CCDC92B: variants seen among roughly 807,000 people sequenced by gnomAD.
CCDC92B encodes the protein coiled-coil domain containing 92B, also known as coiled-coil domain-containing 92B.
In CCDC92B, 2 loss-of-function variants were observed where a neutral mutation model predicts 5.6. That is an observed-to-expected ratio of 0.36 (90% CI 0.15 to 1.12). The LOEUF (loss-of-function observed/expected upper bound fraction) is 1.12, where lower values mean the gene tolerates loss of function less well. Ranked by LOEUF, CCDC92B falls within the 50% of genes most tolerant of loss-of-function variation. The probability of loss-of-function intolerance (pLI) is 0.40; values close to 1 mark genes in which losing one functional copy is unlikely to be tolerated. For synonymous variants in CCDC92B, 115 were observed against 122.3 expected (o/e 0.94, Z 0.39); for missense variants, 271 against 262.2 (o/e 1.03, Z -0.23).
chr17:2,725,474 G>A (rs1304339101), intron 3 of CCDC92B, among the ~76,000 whole-genome samples: 1 of 151,428 alleles, frequency 6.6e-6, no homozygotes, highest in Non-Finnish European at 1.5e-5. Context: ...TTCCCCACGC[G>A]TCGGCTCAGT....
chr17:2,744,024 T>C (rs1355149345), intron 1 of CCDC92B, among the ~76,000 whole-genome samples: 2 of 151,958 alleles, frequency 1.3e-5, no homozygotes, highest in Non-Finnish European at 2.9e-5. Context: ...ATTGCAGGTG[T>C]GCACCACCAT....
At chr17:2,740,192 T>TATA (rs1255961378) in intron 1 of CCDC92B, among the ~76,000 whole-genome samples, 23 of 152,046 alleles carry the variant, frequency 1.5e-4, no homozygotes, top group Admixed American at 1.5e-3. Context: ...TCCCAGCCTC[T>TATA]GGTATGCAGC....
At chr17:2,733,916 G>T (rs564537759) in intron 2 of CCDC92B, among the ~76,000 whole-genome samples, 1 of 151,254 alleles carries the variant, frequency 6.6e-6, no homozygotes, top group East Asian at 2.0e-4. Context: ...GCACCACCAC[G>T]CCTGGCTAAT....
At chr17:2,726,105 C>T (rs868707807) in intron 3 of CCDC92B, among the ~76,000 whole-genome samples, 4 of 147,984 alleles carry the variant, frequency 2.7e-5, no homozygotes, top group East Asian at 2.0e-4. Context: ...AAGCAGTTCT[C>T]GTGCCTCAGC....
intron 3 of CCDC92B, 69 bp downstream of exon 3, chr17:2,730,377 G>T: frequency 1.1e-6 from 1 of 912,150 alleles, no homozygotes; most frequent in Non-Finnish European, 1.3e-6. Context: ...TTTGGGTCCT[G>T]CAAAGGGCTG....
At position 2,724,181 on chromosome 17, in the gene CCDC92B, C is replaced by A. The variant is rs2070694979; in HGVS notation, c.*230G>T. ...CCTCTCGGTAGAGAAGGTGCCCCCG[C>A]TCGGCCCCGCGGAGGAACTCTCGCG... On this transcript the variant is annotated 3_prime_UTR_variant, in exon 4 of 4. Coordinates refer to ENST00000614400, the MANE Select transcript of CCDC92B (RefSeq NM_001355573.2). The surrounding 1 kb of genome is among the most constrained non-coding windows in gnomAD (Gnocchi z 5.0). The A allele has an allele frequency of 2.0e-6, 2 of 985,292 alleles. No individual in the cohort carries two copies. The highest frequency in any genetic ancestry group is 3.5e-5 in the African/African-American group (2 of 57,236). The allele number at this position is 985,292 out of a possible 1,614,324, so 61.0% of individuals were successfully genotyped here.
rs1467499763 is a variant in CCDC92B, at chr17:2,721,916, C to G, written c.*2495G>C. The G allele has an allele frequency of 1.3e-5, 2 of 152,270 alleles. No homozygotes were observed. Among genetic ancestry groups the G allele is most frequent in the African/African-American group, 2.4e-5 (1 of 41,400 alleles). The allele number at this position is 152,270 out of a possible 1,614,324, so 9.4% of individuals were successfully genotyped here. A position where few individuals can be genotyped will look rare whatever the true frequency, so the allele number is the denominator to read the frequency against. ...AGAAGCAGGCAGGCCACTGGAAGAT[C>G]CCTGGGACCAGAGTGCGGTGGGGGC... On this transcript the variant is annotated 3_prime_UTR_variant, in exon 4 of 4. Transcript: ENST00000614400.
chr17:2,742,060 A>G (rs2070932780), intron 1 of CCDC92B, among the ~76,000 whole-genome samples: 1 of 150,612 alleles, frequency 6.6e-6, no homozygotes, highest in Admixed American at 6.6e-5. Context: ...GTGGAAGAAC[A>G]TGATATGATT....
intron 1 of CCDC92B, among the ~76,000 whole-genome samples, chr17:2,736,240 A>C (rs972509128): frequency 6.6e-6 from 1 of 152,028 alleles, no homozygotes; most frequent in African/African-American, 2.4e-5. Context: ...CAGCCTTTCC[A>C]ACATGGTGAA....
intron 3 of CCDC92B, among the ~76,000 whole-genome samples, chr17:2,728,052 C>T (rs891197663): frequency 6.6e-6 from 1 of 151,330 alleles, no homozygotes; most frequent in South Asian, 2.1e-4. Context: ...AAGAGCCAGG[C>T]ACAGTGGTCG....
intron 1 of CCDC92B, chr17:2,748,592 G>T: frequency 9.1e-6 from 9 of 985,184 alleles, no homozygotes; most frequent in Non-Finnish European, 9.6e-6. Flanking sequence ...CTTCCTGAGG[G>T]CAAGGCTTTG....
intron 1 of CCDC92B, among the ~76,000 whole-genome samples, chr17:2,746,313 A>G (rs893869578): frequency 2.0e-5 from 3 of 152,164 alleles, no homozygotes; most frequent in Admixed American, 6.6e-5. Flanking sequence ...TGATGAAAAA[A>G]TATTCATTTA....
chr17:2,732,648 C>T (rs1284309289), intron 2 of CCDC92B, among the ~76,000 whole-genome samples: 2 of 151,814 alleles, frequency 1.3e-5, no homozygotes, highest in Admixed American at 1.3e-4. Flanking sequence ...ACCCGGGAGG[C>T]AGAGGTTTCA....
At chr17:2,727,670 A>G (rs1282677768) in intron 3 of CCDC92B, among the ~76,000 whole-genome samples, 1 of 152,062 alleles carries the variant, frequency 6.6e-6, no homozygotes, top group African/African-American at 2.4e-5. Flanking sequence ...CTAAAAATAC[A>G]AAAATTAGCT....
chr17:2,732,202 T>C (rs2070801309), intron 2 of CCDC92B, among the ~76,000 whole-genome samples: 1 of 152,190 alleles, frequency 6.6e-6, no homozygotes, highest in Admixed American at 6.6e-5. Context: ...TTCTGAGTCC[T>C]CACCCATCCT....
chr17:2,731,516 C>T (rs2070794811), intron 2 of CCDC92B, among the ~76,000 whole-genome samples: 2 of 152,174 alleles, frequency 1.3e-5, no homozygotes, highest in East Asian at 3.8e-4. Context: ...GAAGGCGGCA[C>T]ATCTCTGGGA....
In CCDC92B at chr17:2,724,883, G is replaced by C. The variant is rs2070707624; in HGVS notation, c.296C>G (p.Ser99Cys). Reference protein sequence around the residue: ...REVAQREALVSALRCSLRTEE... With the variant: ...REVAQREALVCALRCSLRTEE... The stretch of plus-strand genomic sequence containing the variant: ...GGTGCGCAGGCTGCAGCGCAGCGCG[G>C]ACACCAGCGCCTCGCGCTGCGCCAC... The change falls in exon 4 of 4, where the codon TCC becomes TGC. Residue 99 changes from serine (S) to cysteine (C), a missense_variant. Physicochemically the swap from Ser to Cys is moderately radical, Grantham distance 112. Transcript: ENST00000614400. The surrounding 1 kb of genome is among the most constrained non-coding windows in gnomAD (Gnocchi z 5.0). The C allele has an allele frequency of 3.0e-6, 3 of 985,172 alleles. No homozygotes were observed. The highest frequency in any genetic ancestry group is 3.6e-6 in the Non-Finnish European group (3 of 829,798). 61.0% of individuals were successfully genotyped at this position (985,172 alleles called of 1,614,324 possible).
intron 3 of CCDC92B, among the ~76,000 whole-genome samples, chr17:2,728,839 G>C (rs886686235): frequency 1.3e-5 from 2 of 152,154 alleles, no homozygotes; most frequent in Non-Finnish European, 2.9e-5. Context: ...GTCCAAGTTC[G>C]TAAGTGTTTA....
At chr17:2,748,410 T>C (rs1484163751) in intron 1 of CCDC92B, 1 of 985,192 alleles carries the variant, frequency 1.0e-6, no homozygotes. Context: ...CACCACAGTC[T>C]GCCATATTAT....
Sources: gnomAD v4.1 joint callset for allele counts (sites outside exome capture counted in the v4.1 genomes callset) on GRCh38, gnomAD v4.1.1 for gene constraint, Gnocchi (gnomAD v3.1) non-coding constraint, MANE v1.5 for transcripts, NCBI Gene and HGNC (gene_info 2026-07-23, HGNC 2026-07-21) for gene names.